CAMTA1: variants seen among roughly 807,000 people sequenced by gnomAD.
CAMTA1 encodes calmodulin-binding transcription activator 1.
In CAMTA1, 27 loss-of-function variants were observed where a neutral mutation model predicts 170.9. The ratio of observed to expected loss-of-function variants is 0.16; its 90% confidence interval spans 0.12 to 0.22. The LOEUF (loss-of-function observed/expected upper bound fraction) is 0.22, where lower values mean the gene tolerates loss of function less well. Among genes scored for constraint, CAMTA1 ranks in the 10% least tolerant of loss-of-function variants. The pLI is 1.00. For missense variants in CAMTA1, 1,619 were observed against 2,217.2 expected (o/e 0.73, Z 5.42); for synonymous variants, 833 against 891.5 (o/e 0.93, Z 1.17).
At chr1:6,969,961 A>G (rs946619730) in intron 3 of CAMTA1, among the ~76,000 whole-genome samples, 3 of 152,100 alleles carry the variant, frequency 2.0e-5, no homozygotes, top group African/African-American at 4.8e-5. Flanking sequence ...GTGTTGCTTC[A>G]TGTCACACGT....
intron 6 of CAMTA1, among the ~76,000 whole-genome samples, chr1:7,543,103 G>A (rs918356896): frequency 5.9e-5 from 9 of 152,042 alleles, no homozygotes; most frequent in Non-Finnish European, 7.4e-5. Flanking sequence ...TCCTGACCTC[G>A]TAATCCGCCC....
intron 6 of CAMTA1, among the ~76,000 whole-genome samples, chr1:7,636,697 G>T (rs1237226692): frequency 1.6e-4 from 23 of 146,032 alleles, no homozygotes; most frequent in Admixed American, 8.7e-4. Flanking sequence ...CAACAAGAGT[G>T]AAACTCCATC....
At chr1:6,954,251 T>TC (rs2149489556) in intron 3 of CAMTA1, among the ~76,000 whole-genome samples, 1 of 152,238 alleles carries the variant, frequency 6.6e-6, no homozygotes, top group African/African-American at 2.4e-5. Flanking sequence ...TGACAGCACG[T>TC]CCAAGGGCCA....
Position 7,381,137 on chromosome 1 carries a change from T to A in CAMTA1, c.439-86693T>A, listed in dbSNP as rs532910133. Reference sequence around the variant, plus strand: ...CTTAAATAAGACGGTTTGATTTTTCTTTTTTTTATTTTTTATTTATTTATT... The same window carrying A: ...CTTAAATAAGACGGTTTGATTTTTCATTTTTTTATTTTTTATTTATTTATT... On this transcript the variant is annotated intron_variant, in intron 5 of 22. Coordinates refer to ENST00000303635, the MANE Select transcript of CAMTA1 (RefSeq NM_015215.4). Among the ~76,000 whole-genome samples the A allele has an allele frequency of 2.1e-5, 3 of 145,058 alleles. No homozygotes were observed. The South Asian group carries it at 6.2e-4, about 30-fold the overall frequency.
intron 5 of CAMTA1, among the ~76,000 whole-genome samples, chr1:7,316,134 A>G (rs1677468313): frequency 6.6e-6 from 1 of 152,172 alleles, no homozygotes; most frequent in South Asian, 2.1e-4. Context: ...CACGGGGGAA[A>G]CAACCTGCGG....
At chr1:7,274,678 T>A (rs1296831267) in intron 5 of CAMTA1, among the ~76,000 whole-genome samples, 1 of 152,196 alleles carries the variant, frequency 6.6e-6, no homozygotes, top group Non-Finnish European at 1.5e-5. Context: ...ATAAACTATA[T>A]ACTGTGTCAT....
intron 11 of CAMTA1, among the ~76,000 whole-genome samples, chr1:7,683,962 T>A (rs1198460747): frequency 6.6e-6 from 1 of 152,012 alleles, no homozygotes. Flanking sequence ...GACCAAGAGG[T>A]CTGGTCCTCA....
In CAMTA1 at chr1:7,332,675, G is replaced by A. The variant is rs566007818; in HGVS notation, c.438+83049G>A. Among the ~76,000 whole-genome samples, 150 of 152,332 alleles carry A rather than the reference G, an allele frequency of 9.8e-4. 1 individual carries two copies. Among genetic ancestry groups the A allele is most frequent in the Middle Eastern group, 3.4e-3 (1 of 294 alleles). On this transcript the variant is annotated intron_variant, in intron 5 of 22. Transcript: ENST00000303635. ...TTGTTGTGTGGAGCTGTATGGTGAT[G>A]TCGCTAATGAGCGACACAGTGTACT...
At chr1:7,166,355 C>T (rs148653735) in intron 4 of CAMTA1, among the ~76,000 whole-genome samples, 2,779 of 152,250 alleles carry the variant, frequency 0.018, 81 homozygotes, top group African/African-American at 0.064. Flanking sequence ...CGTGAGCCAC[C>T]GCGTCCGGCC....
In CAMTA1 at chr1:7,580,022, T is replaced by C. The variant is rs2095245513; in HGVS notation, c.511-60378T>C. Among the ~76,000 whole-genome samples, 3 of 152,236 alleles carry C rather than the reference T, an allele frequency of 2.0e-5. No homozygotes were observed. In the South Asian group the frequency reaches 6.2e-4, roughly 32 times the overall value. On this transcript the variant is annotated intron_variant, in intron 6 of 22. Coordinates refer to ENST00000303635, the MANE Select transcript of CAMTA1 (RefSeq NM_015215.4). This position sits in a 1 kb window ranked among gnomAD's most constrained non-coding sequence, Gnocchi z 4.3. The stretch of plus-strand genomic sequence containing the variant: ...TGGGGCAGCTCAGCTGAATCCACCC[T>C]CTCTCCGGTCAACTCACAACTCACA...
chr1:7,713,828 C>A (rs138202776), intron 11 of CAMTA1, among the ~76,000 whole-genome samples: 3,026 of 152,252 alleles, frequency 0.02, 45 homozygotes, highest in Non-Finnish European at 0.028. Context: ...ACAGAAAGCG[C>A]AAGAATTGTT....
Position 6,808,934 on chromosome 1 carries a change from ATT to A in CAMTA1, c.46-11245_46-11244del, listed in dbSNP as rs558016355. Among the ~76,000 whole-genome samples, 291 of 152,034 alleles carry A rather than the reference ATT, an allele frequency of 1.9e-3. 1 individual carries two copies. Among genetic ancestry groups the A allele is most frequent in the African/African-American group, 6.6e-3 (272 of 41,448 alleles). On this transcript the variant is annotated intron_variant, in intron 1 of 22. Coordinates refer to ENST00000303635, the MANE Select transcript of CAMTA1 (RefSeq NM_015215.4). ...CCTAGGTTTTGAACCATAACTGGGG[ATT>A]TAGTGAGGCCAGACTGAGATAGGGA...
At chr1:7,651,078 C>T (rs994625716) in intron 7 of CAMTA1, among the ~76,000 whole-genome samples, 6 of 152,302 alleles carry the variant, frequency 3.9e-5, no homozygotes, top group East Asian at 3.9e-4. Context: ...AGCAGCCACA[C>T]GTCCAGGGTT....
At chr1:6,980,841 A>G (rs1694314333) in intron 3 of CAMTA1, among the ~76,000 whole-genome samples, 1 of 152,126 alleles carries the variant, frequency 6.6e-6, no homozygotes, top group Non-Finnish European at 1.5e-5. Flanking sequence ...TTCTTTATAA[A>G]TTACTCAGTC....
intron 6 of CAMTA1, among the ~76,000 whole-genome samples, chr1:7,626,707 A>G (rs1215391048): frequency 3.3e-5 from 5 of 152,148 alleles, no homozygotes; most frequent in Non-Finnish European, 5.9e-5. Flanking sequence ...CTCACTCTCT[A>G]CCTGTCTGCT....
intron 5 of CAMTA1, among the ~76,000 whole-genome samples, chr1:7,398,990 T>G: frequency 6.6e-6 from 1 of 152,224 alleles, no homozygotes; most frequent in East Asian, 1.9e-4. Flanking sequence ...TTTGTGTTCC[T>G]TAGCAACTTA....
At chr1:6,904,267 T>C (rs1424697517) in intron 3 of CAMTA1, among the ~76,000 whole-genome samples, 2 of 152,210 alleles carry the variant, frequency 1.3e-5, no homozygotes. Flanking sequence ...TCCTGGCTTC[T>C]CTGTAGCATT....
chr1:7,638,499 G>A (rs562131359), intron 6 of CAMTA1, among the ~76,000 whole-genome samples: 1 of 152,052 alleles, frequency 6.6e-6, no homozygotes, highest in African/African-American at 2.4e-5. Flanking sequence ...AAATTAGCCG[G>A]GCTGTGGTGG....
At chr1:7,338,221 G>T (rs1392534958) in intron 5 of CAMTA1, among the ~76,000 whole-genome samples, 2 of 151,990 alleles carry the variant, frequency 1.3e-5, no homozygotes, top group African/African-American at 4.8e-5. Context: ...AGTCCCGTTA[G>T]GTCCCAGAAA....
Sources: allele counts gnomAD v4.1 joint callset (sites outside exome capture counted in the v4.1 genomes callset), GRCh38; gene constraint gnomAD v4.1.1; non-coding constraint Gnocchi (gnomAD v3.1); transcripts MANE v1.5; gene names NCBI Gene and HGNC (gene_info 2026-07-23, HGNC 2026-07-21).